Variants in CHD7 observed in about 807,000 individuals in gnomAD.
CHD7 encodes the protein chromodomain helicase DNA binding protein 7.
Under a neutral mutation model 307.3 loss-of-function variants are expected in CHD7, and 24 were observed. The observed-to-expected ratio is 0.08, with a 90% confidence interval of 0.06 to 0.11. The LOEUF (loss-of-function observed/expected upper bound fraction) is 0.11. CHD7 is among the 10% of genes least tolerant of loss of function. The probability of loss-of-function intolerance (pLI) is 1.00; values close to 1 mark genes in which losing one functional copy is unlikely to be tolerated. For synonymous variants in CHD7, 1,363 were observed against 1,349.9 expected (o/e 1.01, Z -0.21); for missense variants, 3,106 against 3,727.1 (o/e 0.83, Z 4.34).
At position 60,742,943 on chromosome 8, in the gene CHD7, A is replaced by G; in HGVS notation, c.1511A>G (p.Gln504Arg). The G allele has an allele frequency of 3.1e-6, 5 of 1,613,372 alleles. No homozygotes were observed. Among genetic ancestry groups the G allele is most frequent in the Non-Finnish European group, 4.2e-6 (5 of 1,179,580 alleles). ...ATACCTGGCCAACAACATCCTGGTC[A>G]ACAGCCATCTTTTCAGCAGTTGCCA... ...RLIPGQQHPG[Q>R]QPSFQQLPTC... Residue 504 changes from glutamine (Q) to arginine (R), a missense_variant, in exon 2 of 38, where the codon CAA becomes CGA. Gln to Arg is a conservative substitution (Grantham distance 43). Around this residue, in one of 10 missense-constraint regions of CHD7, gnomAD observed 998 missense variants for 1,004.5 expected, o/e 0.99. Coordinates refer to ENST00000423902, the MANE Select transcript of CHD7 (RefSeq NM_017780.4).
intron 26 of CHD7, 192 bp downstream of exon 26, chr8:60,850,814 T>C (rs1805418784): frequency 1.4e-6 from 1 of 735,626 alleles, no homozygotes; most frequent in Admixed American, 2.9e-5. Context: ...AATCTGAAAC[T>C]TGTTTTTCTT....
At position 60,865,452 on chromosome 8, in the gene CHD7, A is replaced by G; in HGVS notation, c.8513A>G (p.Asp2838Gly). Residue 2838 changes from aspartate to glycine, a missense_variant, in exon 38 of 38, where the codon GAC becomes GGC. This residue lies in a region of CHD7 where 351 missense variants were observed against 366.2 expected (regional missense o/e 0.96). Transcript: ENST00000423902. This position sits in a 1 kb window ranked among gnomAD's most constrained non-coding sequence, Gnocchi z 4.3. ...TTASSQGEPE[D>G]STSKGEEKGN... The stretch of plus-strand genomic sequence containing the variant: ...GCTTCTAGTCAAGGAGAACCGGAAG[A>G]CAGCACTTCAAAAGGAGAGGAGAAA... 6.2e-7 allele frequency: 1 copy of G among 1,614,074 alleles called. No individual in the cohort carries two copies. The highest frequency in any genetic ancestry group is 2.2e-5 in the East Asian group (1 of 44,892).
intron 7 of CHD7, among the ~76,000 whole-genome samples, chr8:60,812,232 G>A (rs951090867): frequency 6.6e-6 from 1 of 152,120 alleles, no homozygotes; most frequent in African/African-American, 2.4e-5. Flanking sequence ...GATTACAGAG[G>A]AATTTGTCCA....
intron 1 of CHD7, among the ~76,000 whole-genome samples, chr8:60,732,099 GT>G (rs1022264382): frequency 8.5e-5 from 13 of 152,052 alleles, no homozygotes; most frequent in Non-Finnish European, 1.5e-4. Context: ...GTTTTGTTTT[GT>G]TTTTTTCCCT....
At chr8:60,808,143 G>A (rs932709284) in intron 6 of CHD7, 74 bp from the exon 7 acceptor site, 2 of 987,510 alleles carry the variant, frequency 2.0e-6, no homozygotes, top group South Asian at 1.4e-5. Context: ...TGCTCATATG[G>A]GAGTAAATCA....
intron 2 of CHD7, among the ~76,000 whole-genome samples, chr8:60,746,326 C>T (rs531334564): frequency 3.8e-4 from 58 of 152,282 alleles, no homozygotes; most frequent in Non-Finnish European, 6.5e-4. Flanking sequence ...AATATTATCC[C>T]CCTTTTAGAC....
At chr8:60,687,306 A>C (rs1805952083) in intron 1 of CHD7, among the ~76,000 whole-genome samples, 1 of 152,004 alleles carries the variant, frequency 6.6e-6, no homozygotes, top group Non-Finnish European at 1.5e-5. Flanking sequence ...AATATGATAA[A>C]AAAAAAATAC....
intron 1 of CHD7, among the ~76,000 whole-genome samples, chr8:60,733,381 G>A (rs553997644): frequency 6.6e-6 from 1 of 152,214 alleles, no homozygotes; most frequent in South Asian, 2.1e-4. Flanking sequence ...GGTGCTATTA[G>A]AATGTGTGCC....
chr8:60,845,630 A>G (rs1444745993), intron 23 of CHD7, among the ~76,000 whole-genome samples: 5 of 152,186 alleles, frequency 3.3e-5, no homozygotes, highest in Non-Finnish European at 5.9e-5. Context: ...TTTAAATGGT[A>G]TAGTTATTGC....
chr8:60,779,503 G>A (rs1811103032), intron 2 of CHD7, among the ~76,000 whole-genome samples: 2 of 152,178 alleles, frequency 1.3e-5, no homozygotes. Context: ...AAAGTTGGGG[G>A]TAAATTATCA....
chr8:60,798,426 A>G (rs78824720), intron 4 of CHD7, among the ~76,000 whole-genome samples: 12,322 of 152,208 alleles, frequency 0.081, 703 homozygotes, highest in Middle Eastern at 0.14. Flanking sequence ...ATATCTAACT[A>G]TCTATTTGAT....
Position 60,841,998 on chromosome 8 carries a change from A to G in CHD7, c.4796A>G (p.Gln1599Arg). ...CCACGGCGTCCCCAGGATAAGTCAC[A>G]GGGCTATGCAAGGAGTGAATGTTTC... ...AKPRRPQDKS[Q>R]GYARSECFRV... is the part of the protein sequence containing the mutation. Residue 1599 changes from glutamine to arginine, a missense_variant, in exon 21 of 38, where the codon CAG becomes CGG. Transcript: ENST00000423902. The G allele has an allele frequency of 4.3e-6, 7 of 1,613,990 alleles. No individual in the cohort carries two copies. Among genetic ancestry groups the G allele is most frequent in the Non-Finnish European group, 5.9e-6 (7 of 1,179,876 alleles).
At chr8:60,838,479 C>T (rs962010652) in intron 19 of CHD7, among the ~76,000 whole-genome samples, 2 of 152,188 alleles carry the variant, frequency 1.3e-5, no homozygotes, top group African/African-American at 4.8e-5. Flanking sequence ...GTATCTGCTT[C>T]CCAGCTCCTG....
At chr8:60,706,405 C>T (rs932252308) in intron 1 of CHD7, among the ~76,000 whole-genome samples, 1 of 152,056 alleles carries the variant, frequency 6.6e-6, no homozygotes, top group Non-Finnish European at 1.5e-5. Flanking sequence ...TATTTTTGTG[C>T]TTGACTAGAA....
intron 13 of CHD7, among the ~76,000 whole-genome samples, chr8:60,825,686 A>G (rs1046819943): frequency 6.6e-6 from 1 of 152,204 alleles, no homozygotes; most frequent in African/African-American, 2.4e-5. Flanking sequence ...CATTTCCTGA[A>G]GGCTTAAACA....
chr8:60,854,551 T>G (rs761001637), intron 32 of CHD7, 28 bp downstream of exon 32: 18 of 1,563,092 alleles, frequency 1.2e-5, no homozygotes, highest in Non-Finnish European at 1.5e-5. Flanking sequence ...GCTGTTGTTT[T>G]GCTGACCAAA....
chr8:60,742,245 C>T lies in CHD7; in HGVS notation c.813C>T (p.His271=), dbSNP rs773253450. 9 of 1,613,886 alleles carry T rather than the reference C, an allele frequency of 5.6e-6. No individual in the cohort carries two copies. The highest frequency in any genetic ancestry group is 1.6e-4 in the Middle Eastern group (1 of 6,062). The change falls in exon 2 of 38, where the codon CAC becomes CAT. Residue 271 remains histidine, a synonymous_variant. Transcript: ENST00000423902. ...STALHGESVA[H]SPRFSPNPPQ... ...CTCTCCATGGAGAATCCGTTGCCCA[C>T]AGTCCCAGATTCTCCCCGAATCCTC...
intron 4 of CHD7, among the ~76,000 whole-genome samples, chr8:60,798,618 T>A (rs1419551136): frequency 6.6e-6 from 1 of 152,162 alleles, no homozygotes; most frequent in Non-Finnish European, 1.5e-5. Context: ...ACAATGAATG[T>A]TTTGCCTCTC....
intron 4 of CHD7, 135 bp from the exon 5 acceptor site, chr8:60,800,253 C>G (rs900823744): frequency 1.5e-6 from 1 of 685,982 alleles, no homozygotes; most frequent in East Asian, 3.3e-5. Flanking sequence ...AGGATGGTCT[C>G]GATCTCCTGA....
Sources: allele counts gnomAD v4.1 joint callset (sites outside exome capture counted in the v4.1 genomes callset), GRCh38; gene constraint gnomAD v4.1.1; regional missense constraint gnomAD v4.1.1; non-coding constraint Gnocchi (gnomAD v3.1); transcripts MANE v1.5; gene names NCBI Gene and HGNC (gene_info 2026-07-23, HGNC 2026-07-21).